The following ADGRD1 variants were observed in gnomAD, a reference collection of about 807,000 sequenced individuals.
The protein encoded by ADGRD1 is G-protein coupled receptor 133.
ADGRD1 carries 77 observed loss-of-function variants against 113.4 expected under a neutral mutation model. That is an observed-to-expected ratio of 0.68 (90% CI 0.57 to 0.82). ADGRD1 has a LOEUF of 0.82. Among genes scored for constraint, ADGRD1 ranks in the 40% least tolerant of loss-of-function variants. The pLI, the probability that ADGRD1 is intolerant of heterozygous loss-of-function variation, is 0.00. For synonymous variants in ADGRD1, 474 were observed against 475.0 expected, an observed-to-expected ratio of 1.00 and a Z score of 0.03; for missense variants, 1,036 against 1,139.1, an observed-to-expected ratio of 0.91 and a Z score of 1.30.
At chr12:131,018,723 T>G (rs1431640685) in intron 13 of ADGRD1, among the ~76,000 whole-genome samples, 4 of 152,234 alleles carry the variant, frequency 2.6e-5, no homozygotes, top group Non-Finnish European at 4.4e-5. Flanking sequence ...TAACGCTGTT[T>G]AGTGGCACCC....
At chr12:131,083,405 C>A (rs1381227274) in intron 14 of ADGRD1, among the ~76,000 whole-genome samples, 1 of 151,840 alleles carries the variant, frequency 6.6e-6, no homozygotes, top group African/African-American at 2.4e-5. Context: ...AGTTTGAGAC[C>A]AGCCAGAGCA....
chr12:131,065,920 A>G (rs977545976), intron 13 of ADGRD1, among the ~76,000 whole-genome samples: 1 of 152,162 alleles, frequency 6.6e-6, no homozygotes, highest in South Asian at 2.1e-4. Context: ...GACCTGGCTC[A>G]GCCCTGGTCT....
Position 131,113,109 on chromosome 12 carries a change from T to C in ADGRD1, c.2041+4232T>C, listed in dbSNP as rs1028728401. On this transcript the variant is annotated intron_variant, in intron 18 of 24. Transcript: ENST00000261654. The surrounding 1 kb of genome is among the most constrained non-coding windows in gnomAD (Gnocchi z 4.9). ...ACACCTACTTGGAGCAGAGCCTCTC[T>C]CACACCAAGCTGGGCAGGGAAGCAG... 6.6e-6 allele frequency among the ~76,000 whole-genome samples: 1 copy of C among 152,210 alleles called. No individual in the cohort carries two copies. Among genetic ancestry groups the C allele is most frequent in the Non-Finnish European group, 1.5e-5 (1 of 68,028 alleles).
At chr12:131,120,036 A>C (rs1950555741) in intron 19 of ADGRD1, among the ~76,000 whole-genome samples, 1 of 152,194 alleles carries the variant, frequency 6.6e-6, no homozygotes, top group African/African-American at 2.4e-5. Context: ...GCATAGGATT[A>C]AATGAGATGA....
intron 15 of ADGRD1, among the ~76,000 whole-genome samples, chr12:131,087,062 C>T (rs1403645224): frequency 3.3e-5 from 5 of 152,206 alleles, no homozygotes; most frequent in East Asian, 1.9e-4. Flanking sequence ...CATGCCACAA[C>T]GCCTGGCTAA....
At chr12:131,014,970 C>T (rs146719485) in intron 13 of ADGRD1, among the ~76,000 whole-genome samples, 1 of 152,310 alleles carries the variant, frequency 6.6e-6, no homozygotes, top group East Asian at 1.9e-4. Flanking sequence ...AAAACGCGTG[C>T]GCTGTTCCCC....
At chr12:131,049,786 G>A (rs762987006) in intron 13 of ADGRD1, among the ~76,000 whole-genome samples, 32 of 152,332 alleles carry the variant, frequency 2.1e-4, no homozygotes, top group Middle Eastern at 6.8e-3. Flanking sequence ...TTCCTGGAGC[G>A]GGGGAGAGCA....
At chr12:130,968,934 C>T in intron 3 of ADGRD1, 3 of 1,138,136 alleles carry the variant, frequency 2.6e-6, no homozygotes, top group Non-Finnish European at 3.8e-6. Context: ...TGTCTTTTGT[C>T]TCACTCACTT....
rs146139798 is a variant in ADGRD1, at chr12:130,961,681, C to T, written c.104-4782C>T. Reference sequence around the variant, plus strand: ...TTCCCGAAAGAATGAGACTTTCTTGCTCTGATGAAACTTGTAGGACTATGA... The same window carrying T: ...TTCCCGAAAGAATGAGACTTTCTTGTTCTGATGAAACTTGTAGGACTATGA... On this transcript the variant is annotated intron_variant, in intron 2 of 24. Transcript: ENST00000261654. 3.1e-3 allele frequency among the ~76,000 whole-genome samples: 478 copies of T among 152,272 alleles called. 1 individual carries two copies. Among genetic ancestry groups the T allele is most frequent in the African/African-American group, 0.011 (464 of 41,532 alleles).
At position 131,136,118 on chromosome 12, in the gene ADGRD1, T is replaced by C; in HGVS notation, c.2349T>C (p.Cys783=). The C allele has an allele frequency of 6.2e-7, 1 of 1,614,172 alleles. No homozygotes were observed. The highest frequency in any genetic ancestry group is 8.5e-7 in the Non-Finnish European group (1 of 1,180,022). Reference sequence around the variant, plus strand: ...TTGGCGTGCTTGCTGTCAACGGTTGTGCTGTGGTTTTCCAGTACATGTTTG... The same window carrying C: ...TTGGCGTGCTTGCTGTCAACGGTTGCGCTGTGGTTTTCCAGTACATGTTTG... ...WVFGVLAVNG[C]AVVFQYMFAT... is the part of the protein sequence containing the mutation. The change falls in exon 22 of 25, where the codon TGT becomes TGC. Residue 783 remains cysteine (C), a synonymous_variant. Coordinates refer to ENST00000261654, the MANE Select transcript of ADGRD1 (RefSeq NM_198827.5).
chr12:131,087,730 C>G (rs921268016), intron 15 of ADGRD1, among the ~76,000 whole-genome samples: 116 of 152,330 alleles, frequency 7.6e-4, no homozygotes, highest in African/African-American at 2.3e-3. Flanking sequence ...TCCCCACGCC[C>G]CCCCCATGCC....
intron 8 of ADGRD1, among the ~76,000 whole-genome samples, chr12:130,997,757 C>A (rs949971910): frequency 6.8e-6 from 1 of 146,892 alleles, no homozygotes; most frequent in South Asian, 2.2e-4. Flanking sequence ...ACATCCCAGA[C>A]GATGGGCGGC....
rs1406742253 is a variant in ADGRD1, at chr12:131,124,995, C to T, written c.2175+4082C>T. Among the ~76,000 whole-genome samples the T allele has an allele frequency of 2.0e-5, 3 of 152,118 alleles. No individual in the cohort carries two copies. In the East Asian group the frequency reaches 5.8e-4, roughly 29 times the overall value. On this transcript the variant is annotated intron_variant, in intron 20 of 24. Transcript: ENST00000261654. ...GAGGTGTCGTCAGGGTTGGTTCTCC[C>T]GAGGCCTCTCTCCTTAGCTTGTAGA...
rs1950940161 is a variant in ADGRD1, at chr12:131,131,914, C to T, written c.2267+98C>T. The T allele has an allele frequency of 6.7e-5, 53 of 791,676 alleles. No homozygotes were observed. The South Asian group carries it at 7.9e-4, about 12-fold the overall frequency. The allele number at this position is 791,676 out of a possible 1,614,324, so 49.0% of individuals were successfully genotyped here. A position where few individuals can be genotyped will look rare whatever the true frequency, so the allele number is the denominator to read the frequency against. On this transcript the variant is annotated intron_variant, in intron 21 of 24. Transcript: ENST00000261654. Reference sequence around the variant, plus strand: ...AGATAGCCACTCCTGCCTCCTGTGGCCGGCACCAAAGTCCTCCACTTGCTC... The same window carrying T: ...AGATAGCCACTCCTGCCTCCTGTGGTCGGCACCAAAGTCCTCCACTTGCTC...
chr12:130,995,859 TAAACAAGTGAACAAAG>T (rs760347073), intron 8 of ADGRD1, among the ~76,000 whole-genome samples: 1 of 152,174 alleles, frequency 6.6e-6, no homozygotes, highest in Non-Finnish European at 1.5e-5. Flanking sequence ...GGTCAGCAGA[TAAACAAGTGAACAAAG>T]AAACAAGTGA....
At chr12:131,138,012 C>A (rs1951140232) in intron 23 of ADGRD1, 125 bp from the exon 24 acceptor site, 1 of 740,764 alleles carries the variant, frequency 1.3e-6, no homozygotes, top group African/African-American at 1.7e-5. Context: ...GCAGCTCCGA[C>A]TCATATTTCC....
intron 23 of ADGRD1, among the ~76,000 whole-genome samples, chr12:131,137,303 G>C (rs1039653596): frequency 6.6e-6 from 1 of 152,234 alleles, no homozygotes; most frequent in African/African-American, 2.4e-5. Flanking sequence ...TCCTCCTCGA[G>C]GGCCTTGGGG....
At chr12:131,018,015 A>G (rs1402913202) in intron 13 of ADGRD1, among the ~76,000 whole-genome samples, 2 of 151,954 alleles carry the variant, frequency 1.3e-5, no homozygotes, top group African/African-American at 4.8e-5. Context: ...TCAGTACACC[A>G]CACACACCGA....
Position 131,118,427 on chromosome 12 carries a change from T to C in ADGRD1, c.2084T>C (p.Met695Thr), listed in dbSNP as rs143163307. Residue 695 changes from methionine (M) to threonine (T), a missense_variant, in exon 19 of 25, where the codon ATG (methionine) becomes ACG (threonine). Coordinates refer to ENST00000261654, the MANE Select transcript of ADGRD1 (RefSeq NM_198827.5). Reference sequence around the variant, plus strand: ...TGCATCATTTCACTGTCATTTGCCATGGACAGTTACGGAACAAGCAACAAG... The same window carrying C: ...TGCATCATTTCACTGTCATTTGCCACGGACAGTTACGGAACAAGCAACAAG... ...LICIISLSFA[M>T]DSYGTSNNCW... 142 of 1,612,040 alleles carry C rather than the reference T, an allele frequency of 8.8e-5. 1 individual carries two copies. Among genetic ancestry groups the C allele is most frequent in the Non-Finnish European group, 1.1e-4 (130 of 1,179,314 alleles).
Sources: allele counts gnomAD v4.1 joint callset (sites outside exome capture counted in the v4.1 genomes callset), GRCh38; gene constraint gnomAD v4.1.1; non-coding constraint Gnocchi (gnomAD v3.1); transcripts MANE v1.5; gene names NCBI Gene and HGNC (gene_info 2026-07-23, HGNC 2026-07-21).